SP140L: variants seen among roughly 807,000 people sequenced by gnomAD.
SP140L encodes SP140 like nuclear body protein, also known as nuclear body protein SP140-like protein.
SP140L carries 64 observed loss-of-function variants against 84.3 expected under a neutral mutation model. The observed-to-expected ratio is 0.76, with a 90% CI of 0.62 to 0.94. SP140L has a LOEUF of 0.94. Among genes scored for constraint, SP140L ranks in the 40% least tolerant of loss-of-function variants. The pLI is 0.00. For missense variants in SP140L, 628 were observed against 692.5 expected (o/e 0.91, Z 1.05); for synonymous variants, 242 against 236.9 (o/e 1.02, Z -0.20).
chr2:230,356,580 C>T (rs910097024), intron 2 of SP140L, among the ~76,000 whole-genome samples: 12 of 152,210 alleles, frequency 7.9e-5, no homozygotes, highest in Non-Finnish European at 2.9e-5. Context: ...TGAGAGGCTG[C>T]CTGGCTGCAT....
intron 7 of SP140L, among the ~76,000 whole-genome samples, chr2:230,380,838 AT>A (rs1485241791): frequency 1.3e-5 from 2 of 152,096 alleles, no homozygotes; most frequent in Non-Finnish European, 1.5e-5. Context: ...GCTAGTGTCC[AT>A]TGTCTGAATA....
Position 230,357,857 on chromosome 2 carries a change from T to C in SP140L, c.160T>C (p.Phe54Leu). 3 of 1,614,110 alleles carry C rather than the reference T, an allele frequency of 1.9e-6. No individual in the cohort carries two copies. The highest frequency in any genetic ancestry group is 2.5e-6 in the Non-Finnish European group (3 of 1,179,960). Residue 54 changes from phenylalanine (F) to leucine (L), a missense_variant, in exon 3 of 19, where the codon TTC (phenylalanine) becomes CTC (leucine). Physicochemically the swap from Phe to Leu is conservative, Grantham distance 22. Transcript: ENST00000415673. ...TGAGGGACTTGTCTATGACACTGTA[T>C]TCAAGCACTTCAAAAGACATAAGCT... ...VDEGLVYDTVFKHFKRHKLEI... is the reference protein window; with the variant it reads ...VDEGLVYDTVLKHFKRHKLEI...
At chr2:230,375,763 G>GT (rs1457474721) in intron 7 of SP140L, among the ~76,000 whole-genome samples, 3 of 151,980 alleles carry the variant, frequency 2.0e-5, no homozygotes, top group African/African-American at 4.8e-5. Context: ...ATTTTGTTTT[G>GT]TTTTTTGCTA....
At chr2:230,339,672 T>A (rs1021095580) in intron 2 of SP140L, among the ~76,000 whole-genome samples, 1 of 147,334 alleles carries the variant, frequency 6.8e-6, no homozygotes, top group African/African-American at 2.5e-5. Context: ...TTTGAATGCA[T>A]CCCAGAGATT....
intron 7 of SP140L, among the ~76,000 whole-genome samples, chr2:230,380,042 T>A (rs148503570): frequency 3.0e-4 from 46 of 152,292 alleles, no homozygotes; most frequent in East Asian, 1.9e-3. Flanking sequence ...GATAAAAACA[T>A]ACCCAAGACT....
At chr2:230,338,075 T>C (rs2149685729) in intron 2 of SP140L, among the ~76,000 whole-genome samples, 1 of 139,784 alleles carries the variant, frequency 7.2e-6, no homozygotes, top group South Asian at 2.4e-4. Context: ...AATCTGTAAA[T>C]TACCTTGGGC....
intron 1 of SP140L, among the ~76,000 whole-genome samples, chr2:230,327,563 G>T (rs2059613745): frequency 6.6e-6 from 1 of 152,086 alleles, no homozygotes; most frequent in South Asian, 2.1e-4. Flanking sequence ...CAGCTGGCGG[G>T]GACACTCTGA....
intron 4 of SP140L, 107 bp from the exon 5 acceptor site, chr2:230,361,505 CTG>C: frequency 5.0e-6 from 4 of 793,944 alleles, no homozygotes; most frequent in Non-Finnish European, 6.4e-6. Flanking sequence ...AAGTTTAAGT[CTG>C]ACTTCTGAGT....
chr2:230,390,263 C>T (rs760084285), intron 11 of SP140L, among the ~76,000 whole-genome samples: 55 of 152,140 alleles, frequency 3.6e-4, no homozygotes, highest in African/African-American at 1.2e-3. Context: ...AAGGCAGGAA[C>T]GTCAATTCAC....
intron 5 of SP140L, among the ~76,000 whole-genome samples, chr2:230,368,647 T>G (rs2060961033): frequency 6.6e-6 from 1 of 152,320 alleles, no homozygotes; most frequent in Non-Finnish European, 1.5e-5. Flanking sequence ...TACTTTTCAT[T>G]CTTTTTTCTT....
intron 2 of SP140L, among the ~76,000 whole-genome samples, chr2:230,336,402 G>T (rs1459180048): frequency 1.3e-5 from 2 of 152,160 alleles, no homozygotes; most frequent in African/African-American, 2.4e-5. Context: ...AAACTATTTG[G>T]CCCCATTTGT....
chr2:230,356,141 T>C (rs2060538625), intron 2 of SP140L, among the ~76,000 whole-genome samples: 1 of 152,204 alleles, frequency 6.6e-6, no homozygotes. Flanking sequence ...CACACTGGAA[T>C]GGCTAAAACT....
intron 14 of SP140L, 124 bp from the exon 15 acceptor site, chr2:230,400,003 C>T: frequency 1.1e-6 from 1 of 938,908 alleles, no homozygotes; most frequent in Non-Finnish European, 1.6e-6. Context: ...CCTTCATATC[C>T]CAGGGAGAAG....
chr2:230,377,964 C>T (rs894031992), intron 7 of SP140L, among the ~76,000 whole-genome samples: 7 of 152,126 alleles, frequency 4.6e-5, no homozygotes, highest in African/African-American at 1.7e-4. Flanking sequence ...AGATCTATAA[C>T]CCATTTTGAG....
intron 14 of SP140L, among the ~76,000 whole-genome samples, chr2:230,397,733 T>A (rs1226887975): frequency 6.6e-6 from 1 of 152,174 alleles, no homozygotes; most frequent in Non-Finnish European, 1.5e-5. Context: ...AATAGTTTTA[T>A]ACACACCTTA....
At position 230,383,553 on chromosome 2, in the gene SP140L, G is replaced by A. The variant is rs1269334240; in HGVS notation, c.681G>A (p.Thr227=). 6.2e-6 allele frequency: 10 copies of A among 1,605,302 alleles called. No individual in the cohort carries two copies. The highest frequency in any genetic ancestry group is 5.1e-5 in the Admixed American group (3 of 58,968). The change falls in exon 8 of 19, where the codon ACG becomes ACA. Residue 227 remains threonine (T), a synonymous_variant. Coordinates refer to ENST00000415673, the MANE Select transcript of SP140L (RefSeq NM_138402.6). Reference sequence around the variant, plus strand: ...GCTGGAGCAGAATGGGAACGAGAACGCAGAAAAACAACCAACAAAATGGTA... The same window carrying A: ...GCTGGAGCAGAATGGGAACGAGAACACAGAAAAACAACCAACAAAATGGTA... ...GHGWSRMGTR[T]QKNNQQNDNS...
chr2:230,372,915 C>T (rs2061132757), intron 7 of SP140L, among the ~76,000 whole-genome samples: 1 of 152,116 alleles, frequency 6.6e-6, no homozygotes, highest in African/African-American at 2.4e-5. Context: ...AAAAGTGCTA[C>T]TCCAGTGAAC....
chr2:230,385,818 G>T lies in SP140L; in HGVS notation c.784+514G>T, dbSNP rs1338873121. ...CCTCCTTCAGCCTGGGCAAGCCTTA[G>T]TCTGGAACACATATAGTTGGGGGGT... On this transcript the variant is annotated intron_variant, in intron 9 of 18. Coordinates refer to ENST00000415673, the MANE Select transcript of SP140L (RefSeq NM_138402.6). Among the ~76,000 whole-genome samples, 5 of 152,176 alleles carry T rather than the reference G, an allele frequency of 3.3e-5. No homozygotes were observed. The East Asian group carries it at 5.8e-4, about 18-fold the overall frequency.
intron 2 of SP140L, among the ~76,000 whole-genome samples, chr2:230,353,945 G>T (rs961372273): frequency 1.3e-5 from 2 of 152,044 alleles, no homozygotes; most frequent in Non-Finnish European, 2.9e-5. Context: ...AATTGTTACA[G>T]TTGAATCTGA....
Sources: gnomAD v4.1 joint callset for allele counts (sites outside exome capture counted in the v4.1 genomes callset) on GRCh38, gnomAD v4.1.1 for gene constraint, MANE v1.5 for transcripts, NCBI Gene and HGNC (gene_info 2026-07-23, HGNC 2026-07-21) for gene names.